Variants in KRT8 observed in about 807,000 individuals in gnomAD.
KRT8 encodes the protein keratin, type II cytoskeletal 8.
A neutral mutation model predicts 43.0 loss-of-function variants in KRT8; 24 were observed. That is an observed-to-expected ratio of 0.56 (90% CI 0.40 to 0.78). The LOEUF (loss-of-function observed/expected upper bound fraction) is 0.78. KRT8 is among the 30% of genes least tolerant of loss of function. The pLI, the probability that KRT8 is intolerant of heterozygous loss-of-function variation, is 0.00. For synonymous variants in KRT8, 214 were observed against 261.2 expected (o/e 0.82, Z 1.74); for missense variants, 492 against 638.4 (o/e 0.77, Z 2.47).
In KRT8 at chr12:52,917,942, A is replaced by AGAAGAG. The variant is rs1180078795; in HGVS notation, c.-46-12921_-46-12916dup. On this transcript the variant is annotated intron_variant, in intron 2 of 6. Transcript: ENST00000546826. ...AAGAAGAAGGAGAAGGAGAAGAGGA[A>AGAAGAG]GAAGAGGAAGAGGAAGAAGAAGAAG... is the stretch of plus-strand genomic sequence containing the variant. 3.4e-5 allele frequency among the ~76,000 whole-genome samples: 5 copies of AGAAGAG among 148,708 alleles called. No homozygotes were observed. In the East Asian group the frequency reaches 7.8e-4, roughly 23 times the overall value.
At chr12:52,903,085 C>A (rs761926807) in intron 1 of KRT8, among the ~76,000 whole-genome samples, 1 of 152,102 alleles carries the variant, frequency 6.6e-6, no homozygotes, top group Non-Finnish European at 1.5e-5. Context: ...AGCCTAGTTC[C>A]CTCCACCACT....
chr12:52,918,437 G>T lies in KRT8; in HGVS notation c.-46-13410C>A, dbSNP rs554777104. Among the ~76,000 whole-genome samples the T allele has an allele frequency of 2.6e-5, 4 of 152,230 alleles. No individual in the cohort carries two copies. In the East Asian group the frequency reaches 7.7e-4, roughly 29 times the overall value. Reference sequence around the variant, plus strand: ...GATCCCACCAGGCCGAGATGGAAAAGTGCCTACATTCACACAGCTGTGAAG... The same window carrying T: ...GATCCCACCAGGCCGAGATGGAAAATTGCCTACATTCACACAGCTGTGAAG... On this transcript the variant is annotated intron_variant, in intron 2 of 6. Coordinates refer to the KRT8 transcript ENST00000546826.
At position 52,898,816 on chromosome 12, in the gene KRT8, C is replaced by A. The variant is rs1443808841; in HGVS notation, c.1065G>T (p.Glu355Asp). The change falls in exon 6 of 8, where the codon GAG (glutamate) becomes GAT (aspartate). Residue 355 changes from glutamate to aspartate, a missense_variant. Physicochemically the swap from Glu to Asp is conservative, Grantham distance 45 (BLOSUM62 2). Around this residue, in one of 3 missense-constraint regions of KRT8, gnomAD observed 389 missense variants for 485.7 expected, o/e 0.80. Coordinates refer to ENST00000692008, the Ensembl canonical transcript of KRT8. ...TGGCCCGCTGCAGGGCGGCCTCCAG[C>A]TCGGACAACTTGGCGTTGGCATCCT... 16 of 1,613,988 alleles carry A rather than the reference C, an allele frequency of 9.9e-6. No individual in the cohort carries two copies. The Admixed American group carries it at 2.5e-4, about 25-fold the overall frequency.
chr12:52,943,543 C>T (rs1942299170), intron 2 of KRT8, among the ~76,000 whole-genome samples: 1 of 152,222 alleles, frequency 6.6e-6, no homozygotes, highest in African/African-American at 2.4e-5. Context: ...TTCCCTGATC[C>T]TTTCCCTTAG....
At chr12:52,923,698 G>A (rs929386311) in intron 2 of KRT8, among the ~76,000 whole-genome samples, 19 of 152,118 alleles carry the variant, frequency 1.2e-4, no homozygotes, top group Non-Finnish European at 2.4e-4. Context: ...GATTACAGGC[G>A]TGAGCCACCA....
At chr12:52,914,855 C>T (rs1378034033) in intron 2 of KRT8, among the ~76,000 whole-genome samples, 1 of 152,174 alleles carries the variant, frequency 6.6e-6, no homozygotes, top group African/African-American at 2.4e-5. Flanking sequence ...GGCCATCTCC[C>T]TGCTGCAGGA....
intron 2 of KRT8, among the ~76,000 whole-genome samples, chr12:52,918,249 A>G (rs565814887): frequency 4.6e-5 from 7 of 151,772 alleles, no homozygotes; most frequent in Non-Finnish European, 7.4e-5. Flanking sequence ...AAGAAGAAGA[A>G]GAAGAAGAAA....
intron 2 of KRT8, among the ~76,000 whole-genome samples, chr12:52,918,191 A>AAGAAGAAGAAGAAGAAGG (rs879808922): frequency 1.4e-4 from 17 of 121,942 alleles, no homozygotes; most frequent in South Asian, 6.2e-4. Context: ...GAAGAAGAAG[A>AAGAAGAAGAAGAAGAAGG]AGAAGAAGAA....
At chr12:52,932,858 A>C (rs1206933150) in intron 2 of KRT8, among the ~76,000 whole-genome samples, 1 of 152,148 alleles carries the variant, frequency 6.6e-6, no homozygotes, top group Non-Finnish European at 1.5e-5. Flanking sequence ...CAAAAAAGCT[A>C]CTAGAACTAA....
intron 2 of KRT8, among the ~76,000 whole-genome samples, chr12:52,935,378 C>CAAAAA (rs71092794): frequency 1.7e-4 from 4 of 23,752 alleles, no homozygotes; most frequent in African/African-American, 7.8e-4. Flanking sequence ...GACTCTGTCT[C>CAAAAA]AAAAAAAAAA....
intron 2 of KRT8, among the ~76,000 whole-genome samples, chr12:52,932,041 C>T (rs2120699679): frequency 6.6e-6 from 1 of 152,038 alleles, no homozygotes; most frequent in African/African-American, 2.4e-5. Flanking sequence ...AAGTAATCTG[C>T]CCGCCTCTGC....
At chr12:52,942,114 C>G (rs955627928) in intron 2 of KRT8, among the ~76,000 whole-genome samples, 7 of 152,012 alleles carry the variant, frequency 4.6e-5, no homozygotes, top group Non-Finnish European at 8.8e-5. Flanking sequence ...TCTTTGTATT[C>G]CCAGGTCACT....
chr12:52,912,160 G>A (rs1175742375), intron 2 of KRT8, among the ~76,000 whole-genome samples: 1 of 152,252 alleles, frequency 6.6e-6, no homozygotes, highest in Non-Finnish European at 1.5e-5. Flanking sequence ...AGGGACTGAG[G>A]GCGGGCACAT....
chr12:52,943,117 A>G (rs1457453496), intron 2 of KRT8, among the ~76,000 whole-genome samples: 1 of 152,178 alleles, frequency 6.6e-6, no homozygotes, highest in East Asian at 1.9e-4. Flanking sequence ...ATTACTGATC[A>G]GCTTTACTAA....
At chr12:52,905,449 G>A (rs985843319), upstream of KRT8, among the ~76,000 whole-genome samples, 1 of 152,118 alleles carries the variant, frequency 6.6e-6, no homozygotes, top group Non-Finnish European at 1.5e-5. Flanking sequence ...ATGGGAAAAA[G>A]GGGTCTCCTA....
At chr12:52,948,659 T>C (rs920492181) in intron 2 of KRT8, 9 of 341,560 alleles carry the variant, frequency 2.6e-5, no homozygotes, top group Admixed American at 9.6e-5. Context: ...GTCCGGCTAA[T>C]TTTTTGTATT....
At chr12:52,945,872 C>T (rs1054650804) in intron 2 of KRT8, among the ~76,000 whole-genome samples, 2 of 152,058 alleles carry the variant, frequency 1.3e-5, no homozygotes, top group African/African-American at 4.8e-5. Flanking sequence ...CCCTTTCCAC[C>T]TTGCTTCCCA....
At chr12:52,918,333 T>A (rs1941818892) in intron 2 of KRT8, among the ~76,000 whole-genome samples, 1 of 151,810 alleles carries the variant, frequency 6.6e-6, no homozygotes, top group Non-Finnish European at 1.5e-5. Context: ...CTCTACTGTA[T>A]CAGCTGGGTT....
At chr12:52,938,853 A>G (rs1049234253) in intron 2 of KRT8, among the ~76,000 whole-genome samples, 19 of 151,870 alleles carry the variant, frequency 1.3e-4, no homozygotes, top group Admixed American at 2.0e-4. Context: ...TCCTGACCTC[A>G]TGATCCTCCC....
Sources: allele counts gnomAD v4.1 joint callset (sites outside exome capture counted in the v4.1 genomes callset), GRCh38; gene constraint gnomAD v4.1.1; regional missense constraint gnomAD v4.1.1; transcripts MANE v1.5; gene names NCBI Gene and HGNC (gene_info 2026-07-23, HGNC 2026-07-21).